The following FLT1 variants were observed in gnomAD, a reference collection of about 807,000 sequenced individuals.
FLT1 encodes fms related receptor tyrosine kinase 1.
Under a neutral mutation model 156.3 loss-of-function variants are expected in FLT1, and 49 were observed. That is an observed-to-expected ratio of 0.31 (90% CI 0.25 to 0.40). The LOEUF is 0.40. Ranked by LOEUF, FLT1 falls within the 10% of genes least tolerant of loss-of-function variation. The probability of loss-of-function intolerance (pLI) is 1.00; values close to 1 mark genes in which losing one functional copy is unlikely to be tolerated. For synonymous variants in FLT1, 594 were observed against 583.8 expected, an observed-to-expected ratio of 1.02 and a Z score of -0.25; for missense variants, 1,322 against 1,637.2, an observed-to-expected ratio of 0.81 and a Z score of 3.32.
intron 29 of FLT1, 96 bp from the exon 30 acceptor site, chr13:28,303,464 A>C: frequency 9.4e-7 from 1 of 1,062,204 alleles, no homozygotes; most frequent in East Asian, 2.7e-5. Context: ...TCATTTGTTC[A>C]TACCTGTCTA....
intron 28 of FLT1, chr13:28,308,560 T>C (rs1403874095): frequency 6.9e-6 from 3 of 433,714 alleles, no homozygotes; most frequent in African/African-American, 4.0e-5. Context: ...GCTGCATCAC[T>C]GACAGCTAAG....
At chr13:28,386,407 T>C (rs1874367195) in intron 13 of FLT1, 1 of 1,033,450 alleles carries the variant, frequency 9.7e-7, no homozygotes, top group Non-Finnish European at 1.2e-6. Flanking sequence ...TCAATAAATT[T>C]TGATTTCTAC....
intron 28 of FLT1, among the ~76,000 whole-genome samples, 161 bp downstream of exon 28, chr13:28,308,682 C>G (rs1279835368): frequency 6.6e-6 from 1 of 152,194 alleles, no homozygotes; most frequent in Non-Finnish European, 1.5e-5. Context: ...TTCTGCACAG[C>G]TAGGTCTAGT....
At chr13:28,423,523 T>C (rs548047011) in intron 10 of FLT1, among the ~76,000 whole-genome samples, 3 of 152,228 alleles carry the variant, frequency 2.0e-5, no homozygotes, top group Non-Finnish European at 4.4e-5. Flanking sequence ...ACTAGCTCTA[T>C]AGTAGGCAGA....
intron 15 of FLT1, among the ~76,000 whole-genome samples, chr13:28,350,355 C>T (rs559946041): frequency 1.4e-4 from 21 of 152,282 alleles, no homozygotes; most frequent in Admixed American, 5.2e-4. Context: ...GAGCATTCCA[C>T]GTCAAGTACT....
At chr13:28,478,216 G>A (rs548492258) in intron 1 of FLT1, among the ~76,000 whole-genome samples, 6 of 152,254 alleles carry the variant, frequency 3.9e-5, no homozygotes, top group South Asian at 2.1e-4. Context: ...GGCATCCTCC[G>A]TGTTCTCTTT....
chr13:28,425,924 C>T (rs561268557), intron 10 of FLT1, among the ~76,000 whole-genome samples: 10 of 152,070 alleles, frequency 6.6e-5, no homozygotes, highest in Non-Finnish European at 1.2e-4. Context: ...TATTTCTATT[C>T]TTAGAAAATG....
chr13:28,390,404 C>CTT, intron 12 of FLT1, among the ~76,000 whole-genome samples: 1 of 151,136 alleles, frequency 6.6e-6, no homozygotes, highest in African/African-American at 2.4e-5. Context: ...CTTTATTTCC[C>CTT]TTTTTTTTTG....
chr13:28,344,954 A>T (rs1040673250), intron 16 of FLT1, among the ~76,000 whole-genome samples: 14 of 151,688 alleles, frequency 9.2e-5, no homozygotes, highest in Admixed American at 7.9e-4. Flanking sequence ...GGTGTGCACC[A>T]CCATACCTGC....
chr13:28,397,448 G>T (rs575067228), intron 11 of FLT1, among the ~76,000 whole-genome samples: 1 of 152,306 alleles, frequency 6.6e-6, no homozygotes, highest in East Asian at 1.9e-4. Flanking sequence ...CTTTTGTTTG[G>T]GTGACCTGAG....
intron 4 of FLT1, among the ~76,000 whole-genome samples, chr13:28,436,815 A>C (rs1239100584): frequency 6.6e-6 from 1 of 152,170 alleles, no homozygotes; most frequent in Non-Finnish European, 1.5e-5. Flanking sequence ...CTTTCCATAT[A>C]TCACCTGACT....
rs1285471888 is a variant in FLT1, at chr13:28,495,072, G to T, written c.-229C>A. The T allele has an allele frequency of 4.3e-6, 2 of 469,332 alleles. No homozygotes were observed. The highest frequency in any genetic ancestry group is 7.2e-5 in the East Asian group (2 of 27,834). 29.1% of individuals were successfully genotyped at this position (469,332 alleles called of 1,614,324 possible). ...CGCTCCGAGCCGCCGCCGCTGCCGG[G>T]GAGGAGCCGAGAGGAGTGTCCGCCT... On this transcript the variant is annotated 5_prime_UTR_variant, in exon 1 of 30. Coordinates refer to ENST00000282397, the MANE Select transcript of FLT1 (RefSeq NM_002019.4). This position sits in a 1 kb window ranked among gnomAD's most constrained non-coding sequence, Gnocchi z 4.1.
chr13:28,360,139 G>A (rs1873058287), intron 14 of FLT1, among the ~76,000 whole-genome samples: 1 of 152,008 alleles, frequency 6.6e-6, no homozygotes, highest in Non-Finnish European at 1.5e-5. Flanking sequence ...AAATGAGATA[G>A]CACCTCACAC....
chr13:28,483,997 G>C (rs574156115), intron 1 of FLT1, among the ~76,000 whole-genome samples: 1 of 152,300 alleles, frequency 6.6e-6, no homozygotes, highest in Non-Finnish European at 1.5e-5. Flanking sequence ...ATGGCCCTCA[G>C]CAAGTCAGCA....
intron 28 of FLT1, among the ~76,000 whole-genome samples, chr13:28,308,015 G>T (rs1174404409): frequency 6.6e-6 from 1 of 152,224 alleles, no homozygotes; most frequent in Non-Finnish European, 1.5e-5. Context: ...CTCGTGATCC[G>T]CCTGCCTTGG....
intron 15 of FLT1, among the ~76,000 whole-genome samples, chr13:28,347,863 G>T (rs1017093986): frequency 6.6e-6 from 1 of 152,166 alleles, no homozygotes; most frequent in Non-Finnish European, 1.5e-5. Context: ...GAGAGATTAA[G>T]CCTCTTGCCC....
chr13:28,485,463 T>C (rs1881097343), intron 1 of FLT1, among the ~76,000 whole-genome samples: 1 of 152,186 alleles, frequency 6.6e-6, no homozygotes, highest in East Asian at 1.9e-4. Flanking sequence ...TATTTATTTA[T>C]TTATTTATTT....
intron 18 of FLT1, among the ~76,000 whole-genome samples, chr13:28,332,163 G>T (rs1871956013): frequency 6.6e-6 from 1 of 152,170 alleles, no homozygotes; most frequent in African/African-American, 2.4e-5. Flanking sequence ...GAGAGGCAGA[G>T]GCTGCAGTGA....
In FLT1 at chr13:28,467,143, T is replaced by A. The variant is rs1566045617; in HGVS notation, c.162-14A>T. On this transcript the variant is annotated splice_polypyrimidine_tract_variant and intron_variant, in intron 2 of 29. Coordinates refer to ENST00000282397, the MANE Select transcript of FLT1 (RefSeq NM_002019.4). ...GCTGCTTCCCCCCTGCAATCACAGA[T>A]AAGAAAACAAAACATATTTATGGCT... is the stretch of plus-strand genomic sequence containing the variant. The A allele has an allele frequency of 6.3e-7, 1 of 1,597,788 alleles. No individual in the cohort carries two copies. The highest frequency in any genetic ancestry group is 8.6e-7 in the Non-Finnish European group (1 of 1,166,602).
Sources: gnomAD v4.1 joint callset for allele counts (sites outside exome capture counted in the v4.1 genomes callset) on GRCh38, gnomAD v4.1.1 for gene constraint, Gnocchi (gnomAD v3.1) non-coding constraint, MANE v1.5 for transcripts, NCBI Gene and HGNC (gene_info 2026-07-23, HGNC 2026-07-21) for gene names.